CCDC171: variants seen among roughly 807,000 people sequenced by gnomAD.
CCDC171 encodes the protein coiled-coil domain containing 171, also known as coiled-coil domain-containing protein 171.
A neutral mutation model predicts 168.2 loss-of-function variants in CCDC171; 177 were observed. The observed-to-expected ratio is 1.05, with a 90% CI of 0.93 to 1.19. The LOEUF is 1.19. Ranked by LOEUF, CCDC171 falls within the 50% of genes most tolerant of loss-of-function variation. The pLI is 0.00. For synonymous variants in CCDC171, 687 were observed against 540.8 expected (o/e 1.27, Z -3.75); for missense variants, 1,991 against 1,539.0 (o/e 1.29, Z -4.91).
intron 10 of CCDC171, among the ~76,000 whole-genome samples, chr9:15,691,198 A>C (rs1387543802): frequency 6.6e-6 from 1 of 152,118 alleles, no homozygotes; most frequent in Non-Finnish European, 1.5e-5. Context: ...AAACCTAAAA[A>C]ATATTAACAG....
At chr9:15,836,757 C>G (rs1478983928) in intron 21 of CCDC171, among the ~76,000 whole-genome samples, 1 of 152,134 alleles carries the variant, frequency 6.6e-6, no homozygotes, top group Non-Finnish European at 1.5e-5. Flanking sequence ...AGTAACTTGA[C>G]CATTCCTGAT....
At chr9:16,013,086 C>T (rs1232939254) in intron 3 of CCDC171, among the ~76,000 whole-genome samples, 1 of 152,198 alleles carries the variant, frequency 6.6e-6, no homozygotes, top group African/African-American at 2.4e-5. Context: ...CCCCAACTCT[C>T]TTCCTTCACA....
rs1832826025 is a variant in CCDC171 at position 16,010,131 on chromosome 9, A to G, written n.369-10458A>G. Among the ~76,000 whole-genome samples the G allele has an allele frequency of 1.3e-5, 2 of 152,124 alleles. 1 individual carries two copies. Among genetic ancestry groups the G allele is most frequent in the South Asian group, 4.1e-4 (2 of 4,824 alleles). On this transcript the variant is annotated intron_variant and non_coding_transcript_variant, in intron 3 of 9. Transcript: ENST00000486641. ...AATTGTTGAATTAAGTAGAGTAGAA[A>G]TTGAATGTTCTGAAGTCTGAATGTG...
chr9:15,968,311 T>C (rs1037814055), intron 25 of CCDC171, among the ~76,000 whole-genome samples: 2 of 152,162 alleles, frequency 1.3e-5, no homozygotes, highest in African/African-American at 4.8e-5. Context: ...ACCATGGACT[T>C]TACAGATTTA....
chr9:15,895,504 A>C (rs1433266264), intron 24 of CCDC171, among the ~76,000 whole-genome samples: 2 of 152,016 alleles, frequency 1.3e-5, no homozygotes, highest in Non-Finnish European at 2.9e-5. Flanking sequence ...ATAGAATCCA[A>C]ATATTCACCT....
chr9:16,032,877 C>T (rs571109840), intron 6 of CCDC171, among the ~76,000 whole-genome samples: 2 of 152,188 alleles, frequency 1.3e-5, no homozygotes, highest in African/African-American at 2.4e-5. Context: ...AAAACAGGGA[C>T]AAATGCACAG....
intron 23 of CCDC171, among the ~76,000 whole-genome samples, chr9:15,871,272 CATT>C (rs2062027317): frequency 6.6e-6 from 1 of 151,642 alleles, no homozygotes; most frequent in East Asian, 1.9e-4. Context: ...AGAAGAAAAA[CATT>C]GTATACATGT....
chr9:15,795,225 C>T (rs1247211824), intron 21 of CCDC171, among the ~76,000 whole-genome samples: 1 of 152,052 alleles, frequency 6.6e-6, no homozygotes, highest in Non-Finnish European at 1.5e-5. Flanking sequence ...GGGAAGGGGG[C>T]CAAACCCATC....
At chr9:15,903,869 C>G (rs979744041) in intron 24 of CCDC171, among the ~76,000 whole-genome samples, 1 of 152,090 alleles carries the variant, frequency 6.6e-6, no homozygotes, top group African/African-American at 2.4e-5. Flanking sequence ...ACGAGAGGTA[C>G]GTGACGAATG....
rs146143209 is a variant in CCDC171 at position 15,780,115 on chromosome 9, ATAATG to A, written c.3081+970_3081+974del. On this transcript the variant is annotated intron_variant, in intron 20 of 25. Transcript: ENST00000380701. ...TAGTAGTTTAGTTATTAATCCTATG[ATAATG>A]TAATTGTGCTAGTGTTAATTATTAT... Among the ~76,000 whole-genome samples, 787 of 152,342 alleles carry A rather than the reference ATAATG, an allele frequency of 5.2e-3. 5 individuals carry two copies. The highest frequency in any genetic ancestry group is 0.019 in the African/African-American group (770 of 41,574).
chr9:16,029,616 A>G (rs1042949294), intron 6 of CCDC171, among the ~76,000 whole-genome samples: 1 of 152,246 alleles, frequency 6.6e-6, no homozygotes, highest in Non-Finnish European at 1.5e-5. Flanking sequence ...GCCTGAAAGG[A>G]GGCTATTACT....
chr9:15,794,450 C>G (rs1012865145), intron 21 of CCDC171, among the ~76,000 whole-genome samples: 3 of 151,860 alleles, frequency 2.0e-5, no homozygotes, highest in Non-Finnish European at 4.4e-5. Context: ...GGTGACAGAG[C>G]GAGACTCTGT....
intron 6 of CCDC171, among the ~76,000 whole-genome samples, chr9:16,033,130 G>A (rs1004493829): frequency 6.6e-6 from 1 of 152,188 alleles, no homozygotes; most frequent in Non-Finnish European, 1.5e-5. Flanking sequence ...TACAGGGCTA[G>A]GATAAAACCA....
chr9:15,621,298 T>C (rs928755935), intron 6 of CCDC171, among the ~76,000 whole-genome samples: 2 of 152,194 alleles, frequency 1.3e-5, no homozygotes, highest in African/African-American at 2.4e-5. Context: ...AAAATAAATA[T>C]GTTTTTATAT....
intron 3 of CCDC171, among the ~76,000 whole-genome samples, chr9:15,992,811 G>T (rs1307827873): frequency 6.6e-6 from 1 of 152,170 alleles, no homozygotes; most frequent in African/African-American, 2.4e-5. Flanking sequence ...CGGACAAACA[G>T]AGAGCCAAAT....
chr9:15,623,475 G>GCGCACGCGCGCGCGCGCGCGCA lies in CCDC171; in HGVS notation c.822+63_822+64insGCACGCGCGCGCGCGCGCGCAC. 1.0e-5 allele frequency: 3 copies of GCGCACGCGCGCGCGCGCGCGCA among 293,748 alleles called. No homozygotes were observed. The Admixed American group carries it at 1.6e-4, about 16-fold the overall frequency. 18.2% of individuals were successfully genotyped at this position (293,748 alleles called of 1,614,324 possible). A position where few individuals can be genotyped will look rare whatever the true frequency, so the allele number is the denominator to read the frequency against. ...CAAACTTTCACATATGCGCGCGCGC[G>GCGCACGCGCGCGCGCGCGCGCA]CACACACACACACACACACACACAC... On this transcript the variant is annotated intron_variant, in intron 7 of 25. Transcript: ENST00000380701.
chr9:15,698,617 A>T (rs1371331143), intron 11 of CCDC171, among the ~76,000 whole-genome samples: 1 of 151,818 alleles, frequency 6.6e-6, no homozygotes, highest in East Asian at 1.9e-4. Context: ...TTACGTTGCT[A>T]CAAATGACAG....
chr9:15,932,194 T>G (rs1826611296), intron 25 of CCDC171, among the ~76,000 whole-genome samples: 1 of 151,948 alleles, frequency 6.6e-6, no homozygotes, highest in East Asian at 1.9e-4. Flanking sequence ...TATAGATCAC[T>G]TTGGGCAGTA....
intron 18 of CCDC171, among the ~76,000 whole-genome samples, chr9:15,766,995 G>T (rs993349077): frequency 6.6e-6 from 1 of 152,002 alleles, no homozygotes; most frequent in Non-Finnish European, 1.5e-5. Flanking sequence ...GGATGTGTCA[G>T]TTTTTTTTAA....
Sources: allele counts gnomAD v4.1 joint callset (sites outside exome capture counted in the v4.1 genomes callset), GRCh38; gene constraint gnomAD v4.1.1; transcripts MANE v1.5; gene names NCBI Gene and HGNC (gene_info 2026-07-23, HGNC 2026-07-21).